TRPM3: variants seen among roughly 807,000 people sequenced by gnomAD.
TRPM3 encodes long transient receptor potential channel 3.
In TRPM3, 77 loss-of-function variants were observed where a neutral mutation model predicts 181.2. The ratio of observed to expected loss-of-function variants is 0.42; its 90% CI spans 0.35 to 0.51. TRPM3 has a LOEUF of 0.51. Among genes scored for constraint, TRPM3 ranks in the 20% least tolerant of loss-of-function variants. The pLI, the probability that TRPM3 is intolerant of heterozygous loss-of-function variation, is 0.01. For missense variants in TRPM3, 1,759 were observed against 2,196.7 expected (o/e 0.80, Z 3.98); for synonymous variants, 745 against 796.4 (o/e 0.94, Z 1.09).
intron 1 of TRPM3, among the ~76,000 whole-genome samples, chr9:71,138,268 T>C (rs982355966): frequency 3.9e-5 from 6 of 152,216 alleles, no homozygotes; most frequent in Admixed American, 6.5e-5. Flanking sequence ...GGCAACTTTC[T>C]ACACTCAACT....
chr9:70,550,019 C>CT (rs1386099785), intron 24 of TRPM3, among the ~76,000 whole-genome samples: 1 of 152,148 alleles, frequency 6.6e-6, no homozygotes, highest in African/African-American at 2.4e-5. Context: ...AACTTCTGGG[C>CT]TGGGGGTGTG....
rs2041829797 is a variant in TRPM3 at position 70,536,620 on chromosome 9, C to T, written c.4493G>A (p.Trp1498Ter). The T allele has an allele frequency of 6.2e-7, 1 of 1,613,892 alleles. No individual in the cohort carries two copies. Among genetic ancestry groups the T allele is most frequent in the African/African-American group, 1.3e-5 (1 of 74,842 alleles). Residue 1498 changes from tryptophan to a stop codon, truncating the protein, a stop_gained, in exon 26 of 26, where the codon TGG (tryptophan) becomes TAG (stop). Transcript: ENST00000677713. LOFTEE classifies it high-confidence loss of function. ...YTHLPECQNP[W>*]DSEPPMYHTI... The stretch of plus-strand genomic sequence containing the variant: ...GTGGTACATCGGAGGCTCTGAGTCC[C>T]AGGGGTTTTGGCATTCTGGGAGGTG...
At chr9:70,537,492 G>A (rs2042095401) in intron 25 of TRPM3, 87 bp from the exon 26 acceptor site, 2 of 1,244,836 alleles carry the variant, frequency 1.6e-6, no homozygotes, top group African/African-American at 1.5e-5. Context: ...TCACAGCTGT[G>A]CCTGACCTTG....
chr9:71,070,854 C>G lies in TRPM3; in HGVS notation c.177+50324G>C, dbSNP rs79210147. Among the ~76,000 whole-genome samples, 667 of 152,274 alleles carry G rather than the reference C, an allele frequency of 4.4e-3. 8 individuals carry two copies. Among genetic ancestry groups the G allele is most frequent in the African/African-American group, 0.016 (645 of 41,556 alleles). On this transcript the variant is annotated intron_variant, in intron 1 of 25. Transcript: ENST00000677713. ...GGGGCTGGAGCTTTTTTCAACACAA[C>G]TGATGGGCTTAAAATATACAGACTA...
intron 1 of TRPM3, among the ~76,000 whole-genome samples, chr9:71,205,763 T>C (rs2079086274): frequency 6.6e-6 from 1 of 152,212 alleles, no homozygotes; most frequent in Non-Finnish European, 1.5e-5. Flanking sequence ...AAGTGATTCA[T>C]TCACACAAAT....
intron 1 of TRPM3, among the ~76,000 whole-genome samples, chr9:71,171,708 G>A (rs1159595087): frequency 3.3e-5 from 5 of 152,094 alleles, no homozygotes; most frequent in Admixed American, 6.6e-5. Flanking sequence ...AAGGCAACGT[G>A]TACCCAAGGC....
chr9:70,649,716 G>A (rs2059371221), intron 9 of TRPM3, among the ~76,000 whole-genome samples: 1 of 152,130 alleles, frequency 6.6e-6, no homozygotes, highest in African/African-American at 2.4e-5. Context: ...ATAATGTAAT[G>A]GGAATGTAAA....
chr9:70,581,453 C>T (rs2055636902), intron 22 of TRPM3, among the ~76,000 whole-genome samples: 1 of 152,260 alleles, frequency 6.6e-6, no homozygotes, highest in South Asian at 2.1e-4. Flanking sequence ...AGATCTTGAG[C>T]ATCTTCCTTT....
chr9:71,080,415 C>T (rs1238880378), intron 1 of TRPM3, among the ~76,000 whole-genome samples: 1 of 152,104 alleles, frequency 6.6e-6, no homozygotes, highest in Non-Finnish European at 1.5e-5. Context: ...GTGTGCCAAC[C>T]ATGCATTGCA....
chr9:71,120,355 C>G (rs954596561), intron 1 of TRPM3, among the ~76,000 whole-genome samples: 1 of 152,130 alleles, frequency 6.6e-6, no homozygotes, highest in East Asian at 1.9e-4. Flanking sequence ...TTTCCTGCAC[C>G]TTTAAATCTA....
intron 1 of TRPM3, among the ~76,000 whole-genome samples, chr9:71,373,624 G>A (rs1324109941): frequency 6.6e-6 from 1 of 152,052 alleles, no homozygotes; most frequent in African/African-American, 2.4e-5. Context: ...CTGAAACTGA[G>A]GCAGCAATGA....
At chr9:70,971,382 T>C (rs761342570) in intron 1 of TRPM3, among the ~76,000 whole-genome samples, 4 of 152,244 alleles carry the variant, frequency 2.6e-5, no homozygotes, top group South Asian at 2.1e-4. Context: ...ATGCCTTTCA[T>C]TTATCCCCTT....
chr9:71,394,638 C>T (rs2093146556), intron 1 of TRPM3, among the ~76,000 whole-genome samples: 1 of 152,122 alleles, frequency 6.6e-6, no homozygotes, highest in African/African-American at 2.4e-5. Flanking sequence ...CTATGTTGCT[C>T]TCACACATCC....
intron 11 of TRPM3, among the ~76,000 whole-genome samples, chr9:70,637,798 G>T (rs1296028895): frequency 6.6e-6 from 1 of 151,980 alleles, no homozygotes; most frequent in Non-Finnish European, 1.5e-5. Flanking sequence ...CAGAAGCTTG[G>T]GTTCGGTACT....
intron 1 of TRPM3, among the ~76,000 whole-genome samples, chr9:71,295,384 G>C (rs990936167): frequency 2.1e-5 from 3 of 144,694 alleles, no homozygotes; most frequent in African/African-American, 7.9e-5. Context: ...AAAAATACAA[G>C]TGATTAACTA....
intron 6 of TRPM3, among the ~76,000 whole-genome samples, chr9:70,802,722 C>A (rs1370412048): frequency 6.6e-6 from 1 of 152,108 alleles, no homozygotes; most frequent in Non-Finnish European, 1.5e-5. Context: ...CTAAAACTAG[C>A]CGTTTGGGAC....
At chr9:70,975,960 G>C (rs748460152) in intron 1 of TRPM3, among the ~76,000 whole-genome samples, 1 of 152,114 alleles carries the variant, frequency 6.6e-6, no homozygotes, top group Non-Finnish European at 1.5e-5. Context: ...TAGTGGATAC[G>C]GCACATTTTA....
At chr9:71,286,995 T>TATATA (rs1420950628) in intron 1 of TRPM3, among the ~76,000 whole-genome samples, 1 of 141,300 alleles carries the variant, frequency 7.1e-6, no homozygotes, top group Non-Finnish European at 1.5e-5. Flanking sequence ...ATAATTATAT[T>TATATA]ATATAATATA....
chr9:71,178,843 T>C (rs1259267905), intron 1 of TRPM3, among the ~76,000 whole-genome samples: 3 of 152,128 alleles, frequency 2.0e-5, no homozygotes, highest in African/African-American at 7.2e-5. Flanking sequence ...CTGCCTCCAC[T>C]CAGACAGGCA....
Sources: gnomAD v4.1 joint callset for allele counts (sites outside exome capture counted in the v4.1 genomes callset) on GRCh38, gnomAD v4.1.1 for gene constraint, MANE v1.5 for transcripts, NCBI Gene and HGNC (gene_info 2026-07-23, HGNC 2026-07-21) for gene names.